Variants in OR9Q1 observed in about 807,000 individuals in gnomAD.
OR9Q1 encodes olfactory receptor 9Q1.
For missense variants in OR9Q1, 374 were observed against 378.8 expected, an observed-to-expected ratio of 0.99 and a Z score of 0.11; for synonymous variants, 153 against 148.6, an observed-to-expected ratio of 1.03 and a Z score of -0.22.
At chr11:58,050,663 C>T (rs1048487970) in intron 1 of OR9Q1, among the ~76,000 whole-genome samples, 1 of 128,986 alleles carries the variant, frequency 7.8e-6, no homozygotes, top group Non-Finnish European at 1.7e-5. Flanking sequence ...GAACAGGCAA[C>T]CTACAACATG....
In OR9Q1 at chr11:58,119,037, C is replaced by T. The variant is rs1237605951; in HGVS notation, c.-14-60394C>T. 3 of 1,613,910 alleles carry T rather than the reference C, an allele frequency of 1.9e-6. No homozygotes were observed. In the Admixed American group the frequency reaches 5.0e-5, roughly 27 times the overall value. Reference sequence around the variant, plus strand: ...CCAGGCTCCAGCAGAGCCTGGGATTCATGGCCACGGTATAGAGCAGTGGGT... The same window carrying T: ...CCAGGCTCCAGCAGAGCCTGGGATTTATGGCCACGGTATAGAGCAGTGGGT... On this transcript the variant is annotated intron_variant, in intron 2 of 2. Transcript: ENST00000335397.
intron 2 of OR9Q1, among the ~76,000 whole-genome samples, chr11:58,135,160 G>A (rs138648387): frequency 7.0e-4 from 107 of 152,222 alleles, no homozygotes; most frequent in African/African-American, 2.3e-3. Context: ...CAAAGCATTC[G>A]GGCTCCTTGA....
intron 1 of OR9Q1, among the ~76,000 whole-genome samples, chr11:58,046,989 A>G (rs1372828603): frequency 6.6e-6 from 1 of 152,210 alleles, no homozygotes; most frequent in East Asian, 1.9e-4. Context: ...TCGATTGCCT[A>G]TTTCTTGACA....
chr11:58,027,009 A>G (rs2119900030), intron 1 of OR9Q1, among the ~76,000 whole-genome samples: 1 of 152,340 alleles, frequency 6.6e-6, no homozygotes, highest in Non-Finnish European at 1.5e-5. Context: ...TAGAGGAAGA[A>G]CTGATGGCGA....
intron 2 of OR9Q1, among the ~76,000 whole-genome samples, chr11:58,129,520 G>A (rs939982451): frequency 6.7e-6 from 1 of 149,472 alleles, no homozygotes; most frequent in African/African-American, 2.5e-5. Flanking sequence ...GATTATCTGT[G>A]ATCTACCCCC....
intron 2 of OR9Q1, among the ~76,000 whole-genome samples, chr11:58,063,182 G>T (rs1233699167): frequency 1.3e-5 from 2 of 152,064 alleles, no homozygotes; most frequent in Non-Finnish European, 2.9e-5. Context: ...TTTTTCCCCT[G>T]GAATCAAGGT....
chr11:58,058,742 C>A (rs577224937), intron 2 of OR9Q1, among the ~76,000 whole-genome samples: 2 of 152,288 alleles, frequency 1.3e-5, no homozygotes, highest in South Asian at 4.1e-4. Flanking sequence ...GGCCATGCAG[C>A]CACCCTCGCC....
At chr11:58,106,507 TC>T (rs1853841955) in intron 2 of OR9Q1, among the ~76,000 whole-genome samples, 1 of 152,158 alleles carries the variant, frequency 6.6e-6, no homozygotes, top group African/African-American at 2.4e-5. Context: ...TTGATGTAGT[TC>T]CACTCATCAA....
In OR9Q1 at chr11:58,073,063, T is replaced by C. The variant is rs1461265231; in HGVS notation, c.-15+17116T>C. On this transcript the variant is annotated intron_variant, in intron 2 of 2. Coordinates refer to ENST00000335397, the MANE Select transcript of OR9Q1 (RefSeq NM_001005212.4). The stretch of plus-strand genomic sequence containing the variant: ...GAGCCATAAACTGTGTTGTAGTTGA[T>C]GCCTGTCTCATATACATATGCATCG... The C allele has an allele frequency of 6.7e-5, 14 of 207,816 alleles. No individual in the cohort carries two copies. The East Asian group carries it at 1.6e-3, about 24-fold the overall frequency. 12.9% of individuals were successfully genotyped at this position (207,816 alleles called of 1,614,324 possible).
intron 2 of OR9Q1, chr11:58,118,615 A>G (rs1853984595): frequency 1.9e-6 from 3 of 1,614,000 alleles, no homozygotes; most frequent in Non-Finnish European, 2.5e-6. Context: ...CACTGTATAG[A>G]AGACAGACAC....
chr11:58,165,152 C>T (rs145242816), intron 2 of OR9Q1, among the ~76,000 whole-genome samples: 8 of 152,322 alleles, frequency 5.3e-5, no homozygotes, highest in Admixed American at 2.0e-4. Context: ...CCCTGTGCCC[C>T]CATGCCTAAA....
chr11:58,169,865 T>G (rs1467720170), intron 2 of OR9Q1, among the ~76,000 whole-genome samples: 1 of 152,072 alleles, frequency 6.6e-6, no homozygotes, highest in Non-Finnish European at 1.5e-5. Flanking sequence ...TTTTTTTCCT[T>G]TGGTTCTTAT....
intron 2 of OR9Q1, among the ~76,000 whole-genome samples, chr11:58,129,042 A>G (rs1474722946): frequency 6.6e-6 from 1 of 152,208 alleles, no homozygotes; most frequent in East Asian, 1.9e-4. Context: ...GTTAAATAAC[A>G]TAAAAATCTC....
At chr11:58,148,273 T>G (rs1352867558) in intron 2 of OR9Q1, among the ~76,000 whole-genome samples, 2 of 152,108 alleles carry the variant, frequency 1.3e-5, no homozygotes, top group Non-Finnish European at 2.9e-5. Context: ...GTGTAAACCA[T>G]ACAACACGTA....
chr11:58,032,415 C>T (rs1328690294), intron 1 of OR9Q1, among the ~76,000 whole-genome samples: 4 of 152,112 alleles, frequency 2.6e-5, no homozygotes, highest in Non-Finnish European at 4.4e-5. Context: ...AGTACAGAAA[C>T]AGACACATAG....
At chr11:58,117,880 T>C (rs1459561580) in intron 2 of OR9Q1, 1 of 151,542 alleles carries the variant, frequency 6.6e-6, no homozygotes, top group Non-Finnish European at 1.5e-5. Flanking sequence ...ATAAGGAAAA[T>C]TTCAAGTTCT....
chr11:58,149,515 G>C (rs1854329873), intron 2 of OR9Q1, among the ~76,000 whole-genome samples: 1 of 152,080 alleles, frequency 6.6e-6, no homozygotes, highest in South Asian at 2.1e-4. Context: ...CAGTTTGGTG[G>C]CATTAAATAT....
At chr11:58,123,194 G>A (rs898941774) in intron 2 of OR9Q1, among the ~76,000 whole-genome samples, 6 of 152,154 alleles carry the variant, frequency 3.9e-5, no homozygotes, top group Non-Finnish European at 7.3e-5. Context: ...TTAGTTGATG[G>A]CAAATCCTCT....
At chr11:58,037,894 GTT>G (rs58955805) in intron 1 of OR9Q1, among the ~76,000 whole-genome samples, 5 of 97,776 alleles carry the variant, frequency 5.1e-5, no homozygotes, top group Non-Finnish European at 1.1e-4. Context: ...AATTTTTTTT[GTT>G]TTTTTTTTTT....
Sources: allele counts gnomAD v4.1 joint callset (sites outside exome capture counted in the v4.1 genomes callset), GRCh38; gene constraint gnomAD v4.1.1; transcripts MANE v1.5; gene names NCBI Gene and HGNC (gene_info 2026-07-23, HGNC 2026-07-21).